The following ZNF714 variants were observed in gnomAD, a reference collection of about 807,000 sequenced individuals.
ZNF714 encodes zinc finger protein 714.
A neutral mutation model predicts 46.2 loss-of-function variants in ZNF714; 32 were observed. The ratio of observed to expected loss-of-function variants is 0.69; its 90% CI spans 0.52 to 0.93. ZNF714 has a LOEUF of 0.93. Among genes scored for constraint, ZNF714 ranks in the 40% least tolerant of loss-of-function variants. The probability of loss-of-function intolerance (pLI) is 0.00; values close to 1 mark genes in which losing one functional copy is unlikely to be tolerated. For missense variants in ZNF714, 635 were observed against 646.3 expected (o/e 0.98, Z 0.19); for synonymous variants, 199 against 213.1 (o/e 0.93, Z 0.58).
chr19:21,117,992 A>T lies in ZNF714; in HGVS notation c.1328A>T (p.His443Leu), dbSNP rs775833812. Reference sequence around the variant, plus strand: ...AACCGATCCTCAAACCTTACTACACATAAGAGAATTCACACTGGAGAGAAA... The same window carrying T: ...AACCGATCCTCAAACCTTACTACACTTAAGAGAATTCACACTGGAGAGAAA... ...AFNRSSNLTT[H>L]KRIHTGEKPY... The change falls in exon 5 of 5, where the codon CAT becomes CTT. Residue 443 changes from histidine to leucine, a missense_variant. By Grantham distance (99) the His-to-Leu change is moderately conservative. Transcript: ENST00000456283. 1.2e-6 allele frequency: 2 copies of T among 1,613,732 alleles called. No homozygotes were observed. The highest frequency in any genetic ancestry group is 3.3e-5 in the Admixed American group (2 of 60,010).
intron 2 of ZNF714, among the ~76,000 whole-genome samples, chr19:21,094,929 G>A (rs1969001790): frequency 6.6e-6 from 1 of 152,100 alleles, no homozygotes; most frequent in African/African-American, 2.4e-5. Context: ...TTTTGCACAT[G>A]CTTGTTAGCC....
At chr19:21,090,042 T>C (rs1452191965) in intron 2 of ZNF714, among the ~76,000 whole-genome samples, 1 of 152,254 alleles carries the variant, frequency 6.6e-6, no homozygotes, top group East Asian at 1.9e-4. Flanking sequence ...GCAAAATATG[T>C]GTGACAACAC....
chr19:21,117,041 T>G lies in ZNF714; in HGVS notation c.377T>G (p.Phe126Cys). Reference sequence around the variant, plus strand: ...CCATGTGATAAATATATAAAAGTCTTTCATAAAATTTTCAATTCAAATAGA... The same window carrying G: ...CCATGTGATAAATATATAAAAGTCTGTCATAAAATTTTCAATTCAAATAGA... The part of the protein sequence containing the change: ...IFPCDKYIKV[F>C]HKIFNSNRHK... The change falls in exon 5 of 5, where the codon TTT (phenylalanine) becomes TGT (cysteine). Residue 126 changes from phenylalanine to cysteine, a missense_variant. Coordinates refer to ENST00000456283, the MANE Select transcript of ZNF714 (RefSeq NM_182515.4). 1 of 1,613,062 alleles carries G rather than the reference T, an allele frequency of 6.2e-7. No individual in the cohort carries two copies. Among genetic ancestry groups the G allele is most frequent in the Non-Finnish European group, 8.5e-7 (1 of 1,179,432 alleles).
intron 4 of ZNF714, among the ~76,000 whole-genome samples, chr19:21,107,288 G>A (rs1043817963): frequency 2.0e-5 from 3 of 150,922 alleles, no homozygotes; most frequent in African/African-American, 7.3e-5. Flanking sequence ...TGCCCAGGCT[G>A]GAGTACAATG....
At chr19:21,094,631 A>G (rs866962968) in intron 2 of ZNF714, among the ~76,000 whole-genome samples, 18 of 152,150 alleles carry the variant, frequency 1.2e-4, no homozygotes, top group African/African-American at 4.3e-4. Context: ...GATTCAATAG[A>G]TTCTCATGCC....
At chr19:21,103,767 G>T (rs1969244147) in intron 4 of ZNF714, among the ~76,000 whole-genome samples, 2 of 151,962 alleles carry the variant, frequency 1.3e-5, no homozygotes, top group South Asian at 4.2e-4. Context: ...ATGTTAGTGT[G>T]CACCTGTGGT....
intron 4 of ZNF714, among the ~76,000 whole-genome samples, chr19:21,103,566 G>GA (rs537360929): frequency 5.3e-4 from 81 of 151,960 alleles, no homozygotes; most frequent in African/African-American, 1.9e-3. Flanking sequence ...AAAATGAGAA[G>GA]AAAAAACAGT....
At chr19:21,088,099 G>A (rs1330928602) in intron 2 of ZNF714, among the ~76,000 whole-genome samples, 2 of 152,152 alleles carry the variant, frequency 1.3e-5, no homozygotes, top group African/African-American at 4.8e-5. Flanking sequence ...GCCTTACCTA[G>A]CCGTAAAGCA....
At position 21,117,754 on chromosome 19, in the gene ZNF714, A is replaced by G; in HGVS notation, c.1090A>G (p.Thr364Ala). 6.2e-7 allele frequency: 1 copy of G among 1,613,828 alleles called. No individual in the cohort carries two copies. The highest frequency in any genetic ancestry group is 1.1e-5 in the South Asian group (1 of 91,072). Residue 364 changes from threonine to alanine, a missense_variant, in exon 5 of 5, where the codon ACT becomes GCT. Transcript: ENST00000456283. ...CCTTACTACACATAAGATGATTCAT[A>G]CTGGAGAGAAACCCTACAAATGTGA... ...SHLTTHKMIH[T>A]GEKPYKCEEC...
At chr19:21,084,832 C>A (rs1436064377) in intron 2 of ZNF714, among the ~76,000 whole-genome samples, 1 of 151,648 alleles carries the variant, frequency 6.6e-6, no homozygotes, top group African/African-American at 2.4e-5. Flanking sequence ...GCTGGCCAGG[C>A]TGGTCTCAAA....
At chr19:21,095,638 T>A (rs1362798128) in intron 2 of ZNF714, among the ~76,000 whole-genome samples, 1 of 151,852 alleles carries the variant, frequency 6.6e-6, no homozygotes, top group Non-Finnish European at 1.5e-5. Flanking sequence ...AATTTTTTTT[T>A]TGTATTTTTA....
chr19:21,097,118 A>C (rs981057895), intron 2 of ZNF714, among the ~76,000 whole-genome samples: 2 of 152,084 alleles, frequency 1.3e-5, no homozygotes, highest in African/African-American at 4.8e-5. Flanking sequence ...CGCCTGCCTC[A>C]GCCTCCCAAA....
intron 4 of ZNF714, among the ~76,000 whole-genome samples, chr19:21,099,926 G>A (rs1969134269): frequency 1.3e-5 from 2 of 152,270 alleles, no homozygotes; most frequent in African/African-American, 4.8e-5. Flanking sequence ...TGCAATCTCA[G>A]CTCACTGCAA....
intron 1 of ZNF714, among the ~76,000 whole-genome samples, 166 bp downstream of exon 1, chr19:21,082,514 G>A (rs1250463704): frequency 2.0e-5 from 3 of 148,304 alleles, no homozygotes; most frequent in Admixed American, 6.6e-5. Flanking sequence ...ATAAGATGGC[G>A]GCTGCGCTGA....
In ZNF714 at chr19:21,118,464, AAAAAG is replaced by A. The variant is rs973164991; in HGVS notation, c.*142_*146del. 1.5e-5 allele frequency: 6 copies of A among 396,864 alleles called. No individual in the cohort carries two copies. The highest frequency in any genetic ancestry group is 4.1e-5 in the Admixed American group (1 of 24,246). The allele number at this position is 396,864 out of a possible 1,614,324, so 24.6% of individuals were successfully genotyped here. A position where few individuals can be genotyped will look rare whatever the true frequency, so the allele number is the denominator to read the frequency against. ...AAGACTCTGTCTCAAAAAAAAAAAA[AAAAAG>A]AAAAGAAAATTCATACTGGAACGAA... On this transcript the variant is annotated 3_prime_UTR_variant, in exon 5 of 5. Coordinates refer to ENST00000456283, the MANE Select transcript of ZNF714 (RefSeq NM_182515.4).
Position 21,116,901 on chromosome 19 carries a change from A to G in ZNF714, c.237A>G (p.Glu79=). ...QVILRRHGKC[E]HENLQLRKGS... is the part of the protein sequence containing the mutation. ...TACTGAGAAGACATGGCAAATGTGA[A>G]CATGAGAATTTACAGTTAAGAAAAG... Residue 79 remains glutamate, a synonymous_variant, in exon 5 of 5, where the codon GAA becomes GAG. Coordinates refer to ENST00000456283, the MANE Select transcript of ZNF714 (RefSeq NM_182515.4). 6.2e-7 allele frequency: 1 copy of G among 1,613,948 alleles called. No homozygotes were observed. The highest frequency in any genetic ancestry group is 8.5e-7 in the Non-Finnish European group (1 of 1,179,884).
rs1354766085 is a variant in ZNF714, at chr19:21,122,305, T to C, written c.*3973T>C. ...AGATATCAGTGGTGAAGAAATAAGATTGATTCTTCATATGGAGTGGACATT... is the reference window on the plus strand; with the variant it reads ...AGATATCAGTGGTGAAGAAATAAGACTGATTCTTCATATGGAGTGGACATT... On this transcript the variant is annotated 3_prime_UTR_variant, in exon 5 of 5. Transcript: ENST00000456283. 6.6e-6 allele frequency: 1 copy of C among 152,216 alleles called. No homozygotes were observed. Among genetic ancestry groups the C allele is most frequent in the Non-Finnish European group, 1.5e-5 (1 of 68,036 alleles). The allele number at this position is 152,216 out of a possible 1,614,324, so 9.4% of individuals were successfully genotyped here.
Position 21,118,201 on chromosome 19 carries a change from C to T in ZNF714, c.1537C>T (p.Pro513Ser), listed in dbSNP as rs1396923966. Residue 513 changes from proline to serine, a missense_variant, in exon 5 of 5, where the codon CCC (proline) becomes TCC (serine). Coordinates refer to ENST00000456283, the MANE Select transcript of ZNF714 (RefSeq NM_182515.4). Reference protein sequence around the residue: ...QQGMVAHACNPNTLRGLGEQI... With the variant: ...QQGMVAHACNSNTLRGLGEQI... ...GGGCATGGTGGCTCATGCCTGTAATCCCAACACTTTGAGAGGACTAGGTGA... is the reference window on the plus strand; with the variant it reads ...GGGCATGGTGGCTCATGCCTGTAATTCCAACACTTTGAGAGGACTAGGTGA... 6.2e-7 allele frequency: 1 copy of T among 1,604,642 alleles called. No individual in the cohort carries two copies. The highest frequency in any genetic ancestry group is 1.3e-5 in the African/African-American group (1 of 74,730).
intron 4 of ZNF714, among the ~76,000 whole-genome samples, chr19:21,111,610 C>T (rs779121474): frequency 1.3e-5 from 2 of 152,072 alleles, no homozygotes; most frequent in African/African-American, 2.4e-5. Context: ...CTGGAACTTC[C>T]AATACTATGT....
Sources: gnomAD v4.1 joint callset for allele counts (sites outside exome capture counted in the v4.1 genomes callset) on GRCh38, gnomAD v4.1.1 for gene constraint, MANE v1.5 for transcripts, NCBI Gene and HGNC (gene_info 2026-07-23, HGNC 2026-07-21) for gene names.